The following MAP3K4 variants were observed in gnomAD, a reference collection of about 807,000 sequenced individuals.
MAP3K4 encodes MAP three kinase 1.
Under a neutral mutation model 185.6 loss-of-function variants are expected in MAP3K4, and 67 were observed. That is an observed-to-expected ratio of 0.36 (90% CI 0.30 to 0.44). The LOEUF (loss-of-function observed/expected upper bound fraction) is 0.44, where lower values mean the gene tolerates loss of function less well. Ranked by LOEUF, MAP3K4 falls within the 20% of genes least tolerant of loss-of-function variation. The probability of loss-of-function intolerance (pLI) is 1.00; values close to 1 mark genes in which losing one functional copy is unlikely to be tolerated. For missense variants in MAP3K4, 1,551 were observed against 1,995.1 expected, an observed-to-expected ratio of 0.78 and a Z score of 4.24; for synonymous variants, 702 against 710.4, an observed-to-expected ratio of 0.99 and a Z score of 0.19.
At position 160,996,198 on chromosome 6, in the gene MAP3K4, G is replaced by A. The variant is rs1250929194; in HGVS notation, c.152+4115G>A. Among the ~76,000 whole-genome samples, 13 of 152,306 alleles carry A rather than the reference G, an allele frequency of 8.5e-5. No individual in the cohort carries two copies. Among genetic ancestry groups the A allele is most frequent in the South Asian group, 6.2e-4 (3 of 4,822 alleles). On this transcript the variant is annotated intron_variant, in intron 1 of 26. Transcript: ENST00000392142. This position sits in a 1 kb window ranked among gnomAD's most constrained non-coding sequence, Gnocchi z 4.5. Reference sequence around the variant, plus strand: ...TTGGTGTAGCATCAGTGATGGTCATGCCTTTACACCACTGTAACAGTAGAT... The same window carrying A: ...TTGGTGTAGCATCAGTGATGGTCATACCTTTACACCACTGTAACAGTAGAT...
Position 161,117,223 on chromosome 6 carries a change from A to G in MAP3K4, c.*353A>G, listed in dbSNP as rs41267839. The G allele has an allele frequency of 5.9e-3, 1,317 of 223,232 alleles. 11 individuals carry two copies. The highest frequency in any genetic ancestry group is 0.026 in the Middle Eastern group (18 of 704). The allele number at this position is 223,232 out of a possible 1,614,324, so 13.8% of individuals were successfully genotyped here. ...AAGTTGTAGTGTTATCAGGCGTCCC[A>G]TACCTTGTTTTTAATCTCCTGTTTG... On this transcript the variant is annotated 3_prime_UTR_variant, in exon 27 of 27. Coordinates refer to ENST00000392142, the MANE Select transcript of MAP3K4 (RefSeq NM_005922.4).
chr6:161,101,812 T>C lies in MAP3K4; in HGVS notation c.3675-80T>C, dbSNP rs553490426. The C allele has an allele frequency of 2.5e-4, 307 of 1,220,974 alleles. 5 individuals are homozygous for C. Among genetic ancestry groups the C allele is most frequent in the South Asian group, 1.4e-3 (107 of 76,266 alleles). The allele number at this position is 1,220,974 out of a possible 1,614,324, so 75.6% of individuals were successfully genotyped here. A position where few individuals can be genotyped will look rare whatever the true frequency, so the allele number is the denominator to read the frequency against. On this transcript the variant is annotated intron_variant, in intron 17 of 26. Transcript: ENST00000392142. This position sits in a 1 kb window ranked among gnomAD's most constrained non-coding sequence, Gnocchi z 5.1. The stretch of plus-strand genomic sequence containing the variant: ...CAGAGTTGCCCCCAGTTGAGAATTA[T>C]TGCTCTAGAAAAATCTCGCAGATCT...
At position 161,098,254 on chromosome 6, in the gene MAP3K4, C is replaced by T; in HGVS notation, c.3525-24C>T. On this transcript the variant is annotated intron_variant, in intron 16 of 26. Coordinates refer to ENST00000392142, the MANE Select transcript of MAP3K4 (RefSeq NM_005922.4). This position sits in a 1 kb window ranked among gnomAD's most constrained non-coding sequence, Gnocchi z 4.4. ...CCGTTCCCTCTTCTCACATGTGTTCCTGAAGCTTTTCTTCTTGTCTTAGCA... is the reference window on the plus strand; with the variant it reads ...CCGTTCCCTCTTCTCACATGTGTTCTTGAAGCTTTTCTTCTTGTCTTAGCA... 4 of 1,603,364 alleles carry T rather than the reference C, an allele frequency of 2.5e-6. No individual in the cohort carries two copies. Among genetic ancestry groups the T allele is most frequent in the Non-Finnish European group, 3.4e-6 (4 of 1,173,466 alleles).
rs888205435 is a variant in MAP3K4 at position 161,108,341 on chromosome 6, G to A, written c.4119+372G>A. Among the ~76,000 whole-genome samples the A allele has an allele frequency of 3.3e-5, 5 of 152,212 alleles. No homozygotes were observed. Among genetic ancestry groups the A allele is most frequent in the Admixed American group, 1.3e-4 (2 of 15,290 alleles). ...TTCAGAAACAAGTGGCATTGAAACC[G>A]CTGGAGGTAGGATGGGGAAAGGGCC... On this transcript the variant is annotated intron_variant, in intron 21 of 26. Transcript: ENST00000392142. The surrounding 1 kb of genome is among the most constrained non-coding windows in gnomAD (Gnocchi z 5.7).
At chr6:161,092,494 C>T (rs564236493) in intron 13 of MAP3K4, among the ~76,000 whole-genome samples, 1 of 152,164 alleles carries the variant, frequency 6.6e-6, no homozygotes, top group East Asian at 1.9e-4. Flanking sequence ...CTGTGAGGCT[C>T]AATACTAGCT....
rs1384919445 is a variant in MAP3K4 at position 161,054,452 on chromosome 6, GCCCAAA to G, written c.1707+4475_1707+4480del. On this transcript the variant is annotated intron_variant, in intron 3 of 26. Transcript: ENST00000392142. The surrounding 1 kb of genome is among the most constrained non-coding windows in gnomAD (Gnocchi z 4.2). ...TGATAGGTGTGAGCCACCGCGCCCGGCCCAAACTAATTTTTCTCTAAAACTTTATTA... is the reference window on the plus strand; with the variant it reads ...TGATAGGTGTGAGCCACCGCGCCCGGCTAATTTTTCTCTAAAACTTTATTA... 9.2e-5 allele frequency among the ~76,000 whole-genome samples: 14 copies of G among 152,222 alleles called. No homozygotes were observed. In the East Asian group the frequency reaches 2.7e-3, roughly 29 times the overall value.
chr6:161,067,555 T>C lies in MAP3K4; in HGVS notation c.1708-3053T>C, dbSNP rs2114806952. ...CTGTTAGGGAAACCCAGGTGTGTAC[T>C]AATTTAAGTGCAAAAGTATGTATTA... On this transcript the variant is annotated intron_variant, in intron 3 of 26. Transcript: ENST00000392142. The surrounding 1 kb of genome is among the most constrained non-coding windows in gnomAD (Gnocchi z 6.3). Among the ~76,000 whole-genome samples the C allele has an allele frequency of 6.6e-6, 1 of 152,360 alleles. No homozygotes were observed. Among genetic ancestry groups the C allele is most frequent in the Non-Finnish European group, 1.5e-5 (1 of 68,030 alleles).
At chr6:161,069,699 G>A (rs900711393) in intron 3 of MAP3K4, among the ~76,000 whole-genome samples, 3 of 152,222 alleles carry the variant, frequency 2.0e-5, no homozygotes, top group South Asian at 2.1e-4. Context: ...TGGTAAGGAA[G>A]TGAAAGTCCT....
rs1449323144 is a variant in MAP3K4 at position 160,996,384 on chromosome 6, T to G, written c.152+4301T>G. Among the ~76,000 whole-genome samples, 1 of 152,188 alleles carries G rather than the reference T, an allele frequency of 6.6e-6. No homozygotes were observed. Among genetic ancestry groups the G allele is most frequent in the Non-Finnish European group, 1.5e-5 (1 of 68,048 alleles). On this transcript the variant is annotated intron_variant, in intron 1 of 26. Coordinates refer to ENST00000392142, the MANE Select transcript of MAP3K4 (RefSeq NM_005922.4). The surrounding 1 kb of genome is among the most constrained non-coding windows in gnomAD (Gnocchi z 4.5). ...GCCACTCTGTTTCCTTCATGTATGC[T>G]CTCATGGTGTCCTGCAAATCTTGTT... is the stretch of plus-strand genomic sequence containing the variant.
Position 161,100,986 on chromosome 6 carries a change from T to C in MAP3K4, c.3675-906T>C, listed in dbSNP as rs1288154614. The C allele has an allele frequency of 1.3e-5, 2 of 152,232 alleles. No homozygotes were observed. Among genetic ancestry groups the C allele is most frequent in the Non-Finnish European group, 2.9e-5 (2 of 68,046 alleles). 9.4% of individuals were successfully genotyped at this position (152,232 alleles called of 1,614,324 possible). ...ATATTTTATAATTTGTAAATGTCTG[T>C]GCAATAGATCATGTTGCCTTCAACC... On this transcript the variant is annotated intron_variant, in intron 17 of 26. Coordinates refer to ENST00000392142, the MANE Select transcript of MAP3K4 (RefSeq NM_005922.4). This position sits in a 1 kb window ranked among gnomAD's most constrained non-coding sequence, Gnocchi z 5.8.
chr6:161,066,493 A>G (rs1194384429), intron 3 of MAP3K4, among the ~76,000 whole-genome samples: 1 of 150,360 alleles, frequency 6.7e-6, no homozygotes, highest in African/African-American at 2.5e-5. Flanking sequence ...TGTTCATTCT[A>G]TTTTCACTGT....
In MAP3K4 at chr6:161,043,360, A is replaced by G. The variant is rs1230154293; in HGVS notation, c.344-5256A>G. Among the ~76,000 whole-genome samples the G allele has an allele frequency of 6.6e-6, 1 of 152,110 alleles. No individual in the cohort carries two copies. Among genetic ancestry groups the G allele is most frequent in the Non-Finnish European group, 1.5e-5 (1 of 68,030 alleles). On this transcript the variant is annotated intron_variant, in intron 2 of 26. Coordinates refer to ENST00000392142, the MANE Select transcript of MAP3K4 (RefSeq NM_005922.4). This position sits in a 1 kb window ranked among gnomAD's most constrained non-coding sequence, Gnocchi z 4.3. ...TAAGCTTCCATTCTTCGAGGCCCCA[A>G]ATCAAGTACTTGCTTTTACTTTAAG...
intron 1 of MAP3K4, among the ~76,000 whole-genome samples, chr6:161,031,357 A>G (rs1442276074): frequency 6.6e-6 from 1 of 152,198 alleles, no homozygotes; most frequent in Non-Finnish European, 1.5e-5. Context: ...GCACAACACA[A>G]ATATTCTTCT....
rs1366049147 is a variant in MAP3K4, at chr6:161,034,055, A to G, written c.153-204A>G. On this transcript the variant is annotated intron_variant, in intron 1 of 26. Coordinates refer to ENST00000392142, the MANE Select transcript of MAP3K4 (RefSeq NM_005922.4). This position sits in a 1 kb window ranked among gnomAD's most constrained non-coding sequence, Gnocchi z 4.4. Reference sequence around the variant, plus strand: ...GGTACTCCTTGTTCATGGTAGGAGAAGCGGCAGTCACAATTATTACTCTCT... The same window carrying G: ...GGTACTCCTTGTTCATGGTAGGAGAGGCGGCAGTCACAATTATTACTCTCT... 6.6e-6 allele frequency among the ~76,000 whole-genome samples: 1 copy of G among 152,224 alleles called. No homozygotes were observed. Among genetic ancestry groups the G allele is most frequent in the Non-Finnish European group, 1.5e-5 (1 of 68,044 alleles).
In MAP3K4 at chr6:161,070,063, T is replaced by A. The variant is rs1422806842; in HGVS notation, c.1708-545T>A. ...CTGAGTCATGCCAACCAGGTTGATC[T>A]TAACGATTTTTTAATTTTTCTGTCA... On this transcript the variant is annotated intron_variant, in intron 3 of 26. Transcript: ENST00000392142. This position sits in a 1 kb window ranked among gnomAD's most constrained non-coding sequence, Gnocchi z 4.5. Among the ~76,000 whole-genome samples, 1 of 152,212 alleles carries A rather than the reference T, an allele frequency of 6.6e-6. No homozygotes were observed. Among genetic ancestry groups the A allele is most frequent in the East Asian group, 1.9e-4 (1 of 5,196 alleles).
rs985474441 is a variant in MAP3K4, at chr6:161,076,886, G to C, written c.2097+3274G>C. Among the ~76,000 whole-genome samples the C allele has an allele frequency of 1.2e-4, 18 of 152,312 alleles. No individual in the cohort carries two copies. Among genetic ancestry groups the C allele is most frequent in the Non-Finnish European group, 1.9e-4 (13 of 68,032 alleles). On this transcript the variant is annotated intron_variant, in intron 5 of 26. Coordinates refer to ENST00000392142, the MANE Select transcript of MAP3K4 (RefSeq NM_005922.4). This position sits in a 1 kb window ranked among gnomAD's most constrained non-coding sequence, Gnocchi z 4.2. ...GCGTAAACTCCCTCTTAGAGTTTAAGAATAGGGGGGTCCATGGTGATTGTA... is the reference window on the plus strand; with the variant it reads ...GCGTAAACTCCCTCTTAGAGTTTAACAATAGGGGGGTCCATGGTGATTGTA...
chr6:161,116,215 C>T lies in MAP3K4; in HGVS notation c.4807-635C>T, dbSNP rs1778587388. On this transcript the variant is annotated intron_variant, in intron 26 of 26. Coordinates refer to ENST00000392142, the MANE Select transcript of MAP3K4 (RefSeq NM_005922.4). This position sits in a 1 kb window ranked among gnomAD's most constrained non-coding sequence, Gnocchi z 6.2. ...AGAAGCAGCTGGGTGAGGGGTGGGTCGGGAGGTGGTGGGTCCTCTTTGGTG... is the reference window on the plus strand; with the variant it reads ...AGAAGCAGCTGGGTGAGGGGTGGGTTGGGAGGTGGTGGGTCCTCTTTGGTG... 6.6e-6 allele frequency among the ~76,000 whole-genome samples: 1 copy of T among 151,698 alleles called. No homozygotes were observed. Among genetic ancestry groups the T allele is most frequent in the African/African-American group, 2.4e-5 (1 of 41,294 alleles).
At chr6:161,105,800 G>C (rs78066643) in intron 19 of MAP3K4, among the ~76,000 whole-genome samples, 6,902 of 151,728 alleles carry the variant, frequency 0.045, 204 homozygotes, top group Non-Finnish European at 0.057. Flanking sequence ...TTGGTTAGTA[G>C]GTAGTGGAGA....
intron 1 of MAP3K4, among the ~76,000 whole-genome samples, chr6:161,027,242 T>C (rs2115138793): frequency 1.3e-5 from 2 of 152,338 alleles, no homozygotes; most frequent in East Asian, 3.9e-4. Context: ...TCCCCACCAA[T>C]TGAACTATAT....
Sources: gnomAD v4.1 joint callset for allele counts (sites outside exome capture counted in the v4.1 genomes callset) on GRCh38, gnomAD v4.1.1 for gene constraint, Gnocchi (gnomAD v3.1) non-coding constraint, MANE v1.5 for transcripts, NCBI Gene and HGNC (gene_info 2026-07-23, HGNC 2026-07-21) for gene names.